Variants in PRICKLE1 observed in about 807,000 individuals in gnomAD.
PRICKLE1 encodes the protein prickle-like protein 1.
PRICKLE1 carries 14 observed loss-of-function variants against 70.2 expected under a neutral mutation model. The ratio of observed to expected loss-of-function variants is 0.20; its 90% confidence interval spans 0.13 to 0.31. The LOEUF (loss-of-function observed/expected upper bound fraction) is 0.31, where lower values mean the gene tolerates loss of function less well. PRICKLE1 is among the 10% of genes least tolerant of loss of function. The pLI is 1.00. For synonymous variants in PRICKLE1, 357 were observed against 379.9 expected, an observed-to-expected ratio of 0.94 and a Z score of 0.70; for missense variants, 821 against 1,026.2, an observed-to-expected ratio of 0.80 and a Z score of 2.73.
At chr12:42,516,518 C>G (rs769080776) in intron 1 of PRICKLE1, among the ~76,000 whole-genome samples, 1 of 152,100 alleles carries the variant, frequency 6.6e-6, no homozygotes, top group Non-Finnish European at 1.5e-5. Context: ...TACAGGGTAT[C>G]TCTTCTTTCT....
Position 42,543,148 on chromosome 12 carries a change from T to C in PRICKLE1, c.-49+46317A>G, listed in dbSNP as rs145851312. On this transcript the variant is annotated intron_variant, in intron 1 of 7. Coordinates refer to ENST00000345127, the MANE Select transcript of PRICKLE1 (RefSeq NM_153026.3). ...CAGCCCTGTGAGAAATACATTTCTGTTGTTTATAAGCCAGCCAGCCCAAGG... is the reference window on the plus strand; with the variant it reads ...CAGCCCTGTGAGAAATACATTTCTGCTGTTTATAAGCCAGCCAGCCCAAGG... 1.5e-3 allele frequency among the ~76,000 whole-genome samples: 230 copies of C among 152,304 alleles called. 1 individual carries two copies. Among genetic ancestry groups the C allele is most frequent in the African/African-American group, 5.1e-3 (214 of 41,574 alleles).
At position 42,470,090 on chromosome 12, in the gene PRICKLE1, A is replaced by T. The variant is rs896390749; in HGVS notation, c.246+156T>A. ...GATACTCTTTTCTCTCTTTCTCTCA[A>T]AGAATGGAAAGCTGTATTCTCTGGC... On this transcript the variant is annotated intron_variant, in intron 3 of 7. Coordinates refer to ENST00000345127, the MANE Select transcript of PRICKLE1 (RefSeq NM_153026.3). 4.7e-6 allele frequency: 3 copies of T among 640,710 alleles called. No individual in the cohort carries two copies. In the African/African-American group the frequency reaches 5.5e-5, roughly 12 times the overall value. 39.7% of individuals were successfully genotyped at this position (640,710 alleles called of 1,614,324 possible). A position where few individuals can be genotyped will look rare whatever the true frequency, so the allele number is the denominator to read the frequency against.
intron 1 of PRICKLE1, among the ~76,000 whole-genome samples, chr12:42,558,773 G>T (rs894894277): frequency 6.6e-6 from 1 of 152,186 alleles, no homozygotes. Context: ...GAGCTGAAAA[G>T]CATGGTTGAT....
At chr12:42,539,450 A>G (rs979589385) in intron 1 of PRICKLE1, among the ~76,000 whole-genome samples, 1 of 151,644 alleles carries the variant, frequency 6.6e-6, no homozygotes, top group African/African-American at 2.4e-5. Flanking sequence ...CCTGGGTGAC[A>G]GAGCGAGACT....
intron 1 of PRICKLE1, among the ~76,000 whole-genome samples, chr12:42,497,218 A>C (rs1939217376): frequency 6.6e-6 from 1 of 152,174 alleles, no homozygotes; most frequent in Admixed American, 6.5e-5. Flanking sequence ...AGATGAGGGA[A>C]AGGCCATCTG....
At chr12:42,484,793 C>T (rs1257769509) in intron 1 of PRICKLE1, among the ~76,000 whole-genome samples, 2 of 152,026 alleles carry the variant, frequency 1.3e-5, no homozygotes, top group African/African-American at 2.4e-5. Context: ...TCAAGAGAAG[C>T]AAAACATATC....
At chr12:42,469,346 G>A (rs1938224093) in intron 4 of PRICKLE1, 104 bp downstream of exon 4, 2 of 1,356,248 alleles carry the variant, frequency 1.5e-6, no homozygotes, top group South Asian at 1.2e-5. Flanking sequence ...ATTTTCTGGA[G>A]GCTTTCAGGA....
intron 1 of PRICKLE1, among the ~76,000 whole-genome samples, chr12:42,586,131 A>C (rs1280437560): frequency 6.6e-6 from 1 of 152,190 alleles, no homozygotes; most frequent in East Asian, 1.9e-4. Flanking sequence ...TAAAACACCA[A>C]TCGACCAACC....
chr12:42,559,475 G>A (rs753898723), intron 1 of PRICKLE1, among the ~76,000 whole-genome samples: 1 of 151,656 alleles, frequency 6.6e-6, no homozygotes, highest in Non-Finnish European at 1.5e-5. Context: ...CAGACTTTTG[G>A]GCTCAAGCGA....
chr12:42,560,298 T>C (rs1416505305), intron 1 of PRICKLE1, among the ~76,000 whole-genome samples: 1 of 151,988 alleles, frequency 6.6e-6, no homozygotes, highest in Admixed American at 6.6e-5. Flanking sequence ...CATGCCTGGC[T>C]AATTTTTGTA....
intron 1 of PRICKLE1, among the ~76,000 whole-genome samples, chr12:42,506,564 GTTCTTTTTT>G (rs1939422480): frequency 1.1e-5 from 1 of 88,856 alleles, no homozygotes; most frequent in African/African-American, 4.5e-5. Context: ...GCTCAATAGT[GTTCTTTTTT>G]TTTTTTTTTT....
chr12:42,481,675 A>G (rs996326650), intron 1 of PRICKLE1, among the ~76,000 whole-genome samples: 3 of 152,256 alleles, frequency 2.0e-5, no homozygotes, highest in Non-Finnish European at 4.4e-5. Context: ...ATGCAGGTGA[A>G]TTAAATTTAA....
intron 5 of PRICKLE1, 70 bp downstream of exon 5, chr12:42,468,556 T>C (rs1938189942): frequency 7.2e-7 from 1 of 1,388,744 alleles, no homozygotes; most frequent in South Asian, 1.2e-5. Flanking sequence ...TTTTGCTTGA[T>C]GTAAACAGTG....
At chr12:42,571,792 T>C (rs1021024713) in intron 1 of PRICKLE1, among the ~76,000 whole-genome samples, 24 of 152,218 alleles carry the variant, frequency 1.6e-4, no homozygotes, top group African/African-American at 5.3e-4. Context: ...ATTTCAGAGG[T>C]ACCTGTATGA....
intron 1 of PRICKLE1, among the ~76,000 whole-genome samples, chr12:42,505,524 C>G (rs1393077892): frequency 1.3e-5 from 2 of 151,348 alleles, no homozygotes; most frequent in Non-Finnish European, 2.9e-5. Flanking sequence ...CAACCTCTGC[C>G]TTCTGGATTC....
At chr12:42,521,326 T>C (rs1297126629) in intron 1 of PRICKLE1, among the ~76,000 whole-genome samples, 1 of 152,226 alleles carries the variant, frequency 6.6e-6, no homozygotes, top group African/African-American at 2.4e-5. Flanking sequence ...ATTGTATTTC[T>C]TTACTAATTA....
At chr12:42,510,554 CAA>C (rs929863611) in intron 1 of PRICKLE1, among the ~76,000 whole-genome samples, 21 of 150,910 alleles carry the variant, frequency 1.4e-4, no homozygotes, top group Middle Eastern at 3.4e-3. Context: ...AACAAACAAA[CAA>C]AGAGCATTTT....
At position 42,514,514 on chromosome 12, in the gene PRICKLE1, G is replaced by T. The variant is rs80082566; in HGVS notation, c.-48-41950C>A. Among the ~76,000 whole-genome samples the T allele has an allele frequency of 5.0e-3, 763 of 152,152 alleles. 4 individuals carry two copies. Among genetic ancestry groups the T allele is most frequent in the African/African-American group, 0.018 (731 of 41,492 alleles). On this transcript the variant is annotated intron_variant, in intron 1 of 7. Coordinates refer to ENST00000345127, the MANE Select transcript of PRICKLE1 (RefSeq NM_153026.3). Reference sequence around the variant, plus strand: ...CAAAAGAATGATTTCACTAATGCATGCAGACCAACAGAAACACCTTGGGAA... The same window carrying T: ...CAAAAGAATGATTTCACTAATGCATTCAGACCAACAGAAACACCTTGGGAA...
intron 1 of PRICKLE1, among the ~76,000 whole-genome samples, chr12:42,549,132 A>C (rs893202758): frequency 3.7e-5 from 5 of 133,428 alleles, no homozygotes; most frequent in East Asian, 1.9e-4. Flanking sequence ...AAAAAAAAAA[A>C]AAAAAAAAAA....
Sources: gnomAD v4.1 joint callset for allele counts (sites outside exome capture counted in the v4.1 genomes callset) on GRCh38, gnomAD v4.1.1 for gene constraint, MANE v1.5 for transcripts, NCBI Gene and HGNC (gene_info 2026-07-23, HGNC 2026-07-21) for gene names.